DACT1: variants seen among roughly 807,000 people sequenced by gnomAD.
DACT1 encodes dapper homolog 1.
Under a neutral mutation model 35.3 loss-of-function variants are expected in DACT1, and 19 were observed. The observed-to-expected ratio is 0.54, with a 90% confidence interval of 0.38 to 0.79. The LOEUF is 0.79. DACT1 is among the 30% of genes least tolerant of loss of function. The probability of loss-of-function intolerance (pLI) is 0.00; values close to 1 mark genes in which losing one functional copy is unlikely to be tolerated. For missense variants in DACT1, 1,143 were observed against 1,057.5 expected, an observed-to-expected ratio of 1.08 and a Z score of -1.12; for synonymous variants, 545 against 466.7, an observed-to-expected ratio of 1.17 and a Z score of -2.16.
Position 58,647,364 on chromosome 14 carries a change from G to T in DACT1, c.*230G>T. ...AAGTACATATTGAGGTTTTAATGGTGGTGATAGTGAGTTTTGTGGCACCAG... is the reference window on the plus strand; with the variant it reads ...AAGTACATATTGAGGTTTTAATGGTTGTGATAGTGAGTTTTGTGGCACCAG... On this transcript the variant is annotated 3_prime_UTR_variant, in exon 4 of 4. Transcript: ENST00000395153. The T allele has an allele frequency of 1.9e-6, 1 of 539,238 alleles. No individual in the cohort carries two copies. The highest frequency in any genetic ancestry group is 3.2e-6 in the Non-Finnish European group (1 of 309,036). 33.4% of individuals were successfully genotyped at this position (539,238 alleles called of 1,614,324 possible). A position where few individuals can be genotyped will look rare whatever the true frequency, so the allele number is the denominator to read the frequency against.
At chr14:58,642,304 T>C (rs1431871952) in intron 3 of DACT1, among the ~76,000 whole-genome samples, 1 of 149,400 alleles carries the variant, frequency 6.7e-6, no homozygotes, top group Admixed American at 6.6e-5. Flanking sequence ...CTGGCCAACA[T>C]GGTGAAACCC....
Position 58,645,385 on chromosome 14 carries a change from C to A in DACT1, c.651C>A (p.Tyr217Ter), listed in dbSNP as rs2140218002. The A allele has an allele frequency of 6.2e-7, 1 of 1,614,210 alleles. No homozygotes were observed. Among genetic ancestry groups the A allele is most frequent in the Middle Eastern group, 1.6e-4 (1 of 6,062 alleles). Residue 217 changes from tyrosine (Y) to a stop codon, truncating the protein, a stop_gained, in exon 4 of 4, where the codon TAC (tyrosine) becomes TAA (stop). Coordinates refer to ENST00000395153, the MANE Select transcript of DACT1 (RefSeq NM_001079520.2). LOFTEE classifies it low-confidence loss of function (END_TRUNC). ...CPKSADVNPKYQCDLVSKNGN... is the reference protein window; with the variant it reads ...CPKSADVNPK ...TCATTGCAGATGTGAATCCCAAGTA[C>A]CAGTGTGATCTGGTGTCTAAAAACG...
At chr14:58,643,608 T>A (rs1202527657) in intron 3 of DACT1, among the ~76,000 whole-genome samples, 1 of 152,242 alleles carries the variant, frequency 6.6e-6, no homozygotes. Flanking sequence ...GGAAACTTTA[T>A]AAACCCATTA....
chr14:58,641,770 G>C lies in DACT1; in HGVS notation c.634+23G>C, dbSNP rs1291281302. ...CAGGTAAGAATTTTTAGCACTGATA[G>C]AAATTTTTAATTGGAAGGCATCAAG... is the stretch of plus-strand genomic sequence containing the variant. On this transcript the variant is annotated intron_variant, in intron 3 of 3. Transcript: ENST00000395153. 2.5e-6 allele frequency: 4 copies of C among 1,609,784 alleles called. No individual in the cohort carries two copies. The South Asian group carries it at 4.4e-5, about 18-fold the overall frequency.
rs1234374500 is a variant in DACT1 at position 58,645,442 on chromosome 14, T to C, written c.708T>C (p.Leu236=). The part of the protein sequence containing the change: ...GNDVYRYPSP[L]HAVAVQSPMF... ...ATGTATATCGCTATCCCAGTCCACT[T>C]CATGCTGTGGCTGTGCAGAGCCCAA... The change falls in exon 4 of 4, where the codon CTT becomes CTC. Residue 236 remains leucine, a synonymous_variant. Transcript: ENST00000395153. 2 of 1,614,102 alleles carry C rather than the reference T, an allele frequency of 1.2e-6. No homozygotes were observed. Among genetic ancestry groups the C allele is most frequent in the Non-Finnish European group, 1.7e-6 (2 of 1,180,046 alleles).
At chr14:58,644,400 T>A (rs2047654355) in intron 3 of DACT1, among the ~76,000 whole-genome samples, 1 of 152,218 alleles carries the variant, frequency 6.6e-6, no homozygotes, top group Non-Finnish European at 1.5e-5. Flanking sequence ...TTTTTTTAAA[T>A]TAAAAATTTT....
At chr14:58,635,233 A>G (rs1378408357), upstream of DACT1, among the ~76,000 whole-genome samples, 3 of 152,234 alleles carry the variant, frequency 2.0e-5, no homozygotes, top group Non-Finnish European at 4.4e-5. Flanking sequence ...GTAGGCGATC[A>G]CTTTCAACTG....
At position 58,638,246 on chromosome 14, in the gene DACT1, C is replaced by A. The variant is rs1274111708; in HGVS notation, c.44C>A (p.Pro15Gln). ...GGGACGGCGAAGGAGCTGGAGCCTC[C>A]GGCGCCGGCCCGAGGCGAGCAGCGC... ...PAGTAKELEP[P>Q]APARGEQRTA... The change falls in exon 1 of 4, where the codon CCG becomes CAG. Residue 15 changes from proline (P) to glutamine (Q), a missense_variant. By Grantham distance (76) the Pro-to-Gln change is moderately conservative. This residue lies in a region of DACT1 where 85 missense variants were observed against 81.8 expected (regional missense o/e 1.04). Transcript: ENST00000395153. The A allele has an allele frequency of 1.5e-6, 2 of 1,364,662 alleles. No individual in the cohort carries two copies. Among genetic ancestry groups the A allele is most frequent in the Admixed American group, 3.3e-5 (1 of 30,446 alleles). The allele number at this position is 1,364,662 out of a possible 1,614,324, so 84.5% of individuals were successfully genotyped here.
At position 58,646,073 on chromosome 14, in the gene DACT1, G is replaced by A. The variant is rs2047676223; in HGVS notation, c.1339G>A (p.Ala447Thr). 1 of 1,613,686 alleles carries A rather than the reference G, an allele frequency of 6.2e-7. No individual in the cohort carries two copies. Among genetic ancestry groups the A allele is most frequent in the Admixed American group, 1.7e-5 (1 of 59,940 alleles). The part of the protein sequence containing the change: ...SPKESAQLSG[A>T]SPKESPSRGP... The stretch of plus-strand genomic sequence containing the variant: ...TAAGGAAAGCGCTCAGCTCTCAGGG[G>A]CCTCTCCAAAAGAGAGTCCTAGCAG... The change falls in exon 4 of 4, where the codon GCC (alanine) becomes ACC (threonine). Residue 447 changes from alanine (A) to threonine (T), a missense_variant. Transcript: ENST00000395153.
Position 58,645,503 on chromosome 14 carries a change from G to C in DACT1, c.769G>C (p.Glu257Gln), listed in dbSNP as rs77323631. 1.2e-6 allele frequency: 2 copies of C among 1,614,092 alleles called. No individual in the cohort carries two copies. Among genetic ancestry groups the C allele is most frequent in the Non-Finnish European group, 1.7e-6 (2 of 1,180,052 alleles). The change falls in exon 4 of 4, where the codon GAA becomes CAA. Residue 257 changes from glutamate (E) to glutamine (Q), a missense_variant. Glu to Gln is a conservative substitution (Grantham distance 29, BLOSUM62 2). This residue lies in a region of DACT1 where 1,054 missense variants were observed against 958.8 expected (regional missense o/e 1.10). Transcript: ENST00000395153. ...TTGTCTGACGGGCAACCCTCTGAGG[G>C]AAGAGGACAGGCTTGGAAACCATGC... ...LLCLTGNPLREEDRLGNHASD... is the reference protein window; with the variant it reads ...LLCLTGNPLRQEDRLGNHASD...
intron 3 of DACT1, among the ~76,000 whole-genome samples, chr14:58,644,801 C>T (rs564908546): frequency 7.6e-4 from 115 of 152,248 alleles, no homozygotes; most frequent in Admixed American, 4.6e-4. Context: ...CAGTTGTAAA[C>T]GCAGTACAGA....
intron 1 of DACT1, 67 bp downstream of exon 1, chr14:58,638,614 T>C (rs1239497218): frequency 1.8e-5 from 23 of 1,276,370 alleles, no homozygotes; most frequent in Non-Finnish European, 2.3e-5. Context: ...GCAGGTGGCC[T>C]GGGGCGGGCG....
At position 58,645,561 on chromosome 14, in the gene DACT1, C is replaced by G; in HGVS notation, c.827C>G (p.Ala276Gly). The part of the protein sequence containing the change: ...SDICGGSELD[A>G]VKTDSSLPSP... ...ATTTGCGGTGGATCTGAGCTAGATG[C>G]CGTCAAAACAGACAGTTCCTTACCG... Residue 276 changes from alanine to glycine, a missense_variant, in exon 4 of 4, where the codon GCC becomes GGC. Coordinates refer to ENST00000395153, the MANE Select transcript of DACT1 (RefSeq NM_001079520.2). 1.2e-6 allele frequency: 2 copies of G among 1,614,180 alleles called. No homozygotes were observed. The highest frequency in any genetic ancestry group is 2.2e-5 in the South Asian group (2 of 91,082).
At chr14:58,640,691 T>C (rs1417959815) in intron 1 of DACT1, 45 bp from the exon 2 acceptor site, 5 of 1,608,226 alleles carry the variant, frequency 3.1e-6, no homozygotes, top group Non-Finnish European at 4.3e-6. Context: ...CTGGTTCTTT[T>C]GTCACCCCTG....
rs973500322 is a variant in DACT1 at position 58,648,127 on chromosome 14, T to C, written c.*993T>C. ...TGTAAAATTGCTTTTTGTATACCAA[T>C]ATATGCATGTTTTGTGCATGAGTAG... On this transcript the variant is annotated 3_prime_UTR_variant, in exon 4 of 4. Coordinates refer to ENST00000395153, the MANE Select transcript of DACT1 (RefSeq NM_001079520.2). 1.2e-5 allele frequency: 2 copies of C among 167,098 alleles called. No individual in the cohort carries two copies. The highest frequency in any genetic ancestry group is 4.8e-5 in the African/African-American group (2 of 41,470). The allele number at this position is 167,098 out of a possible 1,614,324, so 10.4% of individuals were successfully genotyped here.
rs1566509737 is a variant in DACT1 at position 58,645,775 on chromosome 14, C to G, written c.1041C>G (p.Val347=). ...TTTGTGTCAGAGCCCCGGGCGGTGTCTCACAGGGCAACAGTGTGAACCTTA... is the reference window on the plus strand; with the variant it reads ...TTTGTGTCAGAGCCCCGGGCGGTGTGTCACAGGGCAACAGTGTGAACCTTA... ...GSVCVRAPGG[V]SQGNSVNLKN... Residue 347 remains valine, a synonymous_variant, in exon 4 of 4, where the codon GTC becomes GTG. Coordinates refer to ENST00000395153, the MANE Select transcript of DACT1 (RefSeq NM_001079520.2). 6.2e-7 allele frequency: 1 copy of G among 1,614,276 alleles called. No individual in the cohort carries two copies. The highest frequency in any genetic ancestry group is 8.5e-7 in the Non-Finnish European group (1 of 1,180,052).
At chr14:58,641,035 TAAACTC>T (rs1201311351) in intron 2 of DACT1, among the ~76,000 whole-genome samples, 167 bp downstream of exon 2, 3 of 152,076 alleles carry the variant, frequency 2.0e-5, no homozygotes, top group Non-Finnish European at 4.4e-5. Flanking sequence ...AAGAGGGAAA[TAAACTC>T]AGACAACAAA....
At chr14:58,637,227 C>A (rs1422839123), upstream of DACT1, among the ~76,000 whole-genome samples, 3 of 152,232 alleles carry the variant, frequency 2.0e-5, no homozygotes, top group Non-Finnish European at 4.4e-5. Context: ...AAACAAAAAC[C>A]AAAGCGCGCA....
chr14:58,639,296 T>C (rs1477811980), intron 1 of DACT1: 4 of 977,828 alleles, frequency 4.1e-6, no homozygotes, highest in Non-Finnish European at 4.9e-6. Flanking sequence ...TCTGTCAGTG[T>C]CTCAGTCTTT....
Sources: gnomAD v4.1 joint callset for allele counts (sites outside exome capture counted in the v4.1 genomes callset) on GRCh38, gnomAD v4.1.1 for gene constraint, gnomAD v4.1.1 regional missense constraint, MANE v1.5 for transcripts, NCBI Gene and HGNC (gene_info 2026-07-23, HGNC 2026-07-21) for gene names.